OCA2: variants seen among roughly 807,000 people sequenced by gnomAD.
OCA2 encodes OCA2 melanosomal transmembrane protein.
Under a neutral mutation model 100.2 loss-of-function variants are expected in OCA2, and 77 were observed. The observed-to-expected ratio is 0.77, with a 90% CI of 0.64 to 0.93. The LOEUF (loss-of-function observed/expected upper bound fraction) is 0.93. Ranked by LOEUF, OCA2 falls within the 40% of genes least tolerant of loss-of-function variation. OCA2 has a pLI of 0.00. For missense variants in OCA2, 1,062 were observed against 1,089.1 expected (o/e 0.98, Z 0.35); for synonymous variants, 432 against 439.2 (o/e 0.98, Z 0.21).
intron 2 of OCA2, among the ~76,000 whole-genome samples, chr15:28,070,334 G>A (rs1297468980): frequency 2.1e-4 from 28 of 135,316 alleles, no homozygotes; most frequent in African/African-American, 2.6e-4. Flanking sequence ...CCCCCCGCCC[G>A]GCCAGCCGCC....
intron 21 of OCA2, among the ~76,000 whole-genome samples, chr15:27,857,458 G>A (rs2151436011): frequency 6.6e-6 from 1 of 152,222 alleles, no homozygotes; most frequent in South Asian, 2.1e-4. Context: ...GTTTTGCAAG[G>A]AAAAGAGCTC....
intron 23 of OCA2, among the ~76,000 whole-genome samples, chr15:27,760,874 T>G (rs1025105270): frequency 4.3e-4 from 65 of 152,108 alleles, no homozygotes; most frequent in African/African-American, 1.6e-3. Flanking sequence ...TCTATACAAA[T>G]GCTTCCAGAA....
intron 23 of OCA2, among the ~76,000 whole-genome samples, chr15:27,797,937 C>T (rs1595428555): frequency 6.6e-6 from 1 of 152,148 alleles, no homozygotes; most frequent in African/African-American, 2.4e-5. Flanking sequence ...GCTGGGAAGC[C>T]AGCCAGGAAG....
intron 23 of OCA2, among the ~76,000 whole-genome samples, chr15:27,793,214 A>C (rs80214972): frequency 6.6e-6 from 1 of 152,192 alleles, no homozygotes; most frequent in Non-Finnish European, 1.5e-5. Context: ...ATTGGACCAG[A>C]AAAGTATCAC....
At chr15:27,862,497 T>C (rs1462917347) in intron 21 of OCA2, among the ~76,000 whole-genome samples, 3 of 144,656 alleles carry the variant, frequency 2.1e-5, no homozygotes, top group African/African-American at 8.1e-5. Context: ...TTTTTTGAGA[T>C]GGAGTTTCAC....
At chr15:27,807,185 C>T (rs28442888) in intron 23 of OCA2, among the ~76,000 whole-genome samples, 106,113 of 151,842 alleles carry the variant, frequency 0.7, 37,966 homozygotes, top group East Asian at 1. Flanking sequence ...ACCCTCTAAG[C>T]CCTTCTGAGG....
intron 9 of OCA2, among the ~76,000 whole-genome samples, chr15:27,993,157 C>G (rs1478331614): frequency 3.9e-5 from 6 of 152,134 alleles, no homozygotes; most frequent in Non-Finnish European, 8.8e-5. Flanking sequence ...AGAGCCATGA[C>G]TGCCAGCCAC....
chr15:28,006,974 C>G (rs2042108423), intron 9 of OCA2, among the ~76,000 whole-genome samples: 1 of 152,232 alleles, frequency 6.6e-6, no homozygotes, highest in Non-Finnish European at 1.5e-5. Context: ...CTCTATTCAT[C>G]TCCCTCGAAT....
chr15:28,052,473 G>C (rs965196451), intron 2 of OCA2, among the ~76,000 whole-genome samples: 2 of 152,124 alleles, frequency 1.3e-5, no homozygotes, highest in African/African-American at 4.8e-5. Flanking sequence ...ATCATGCAGG[G>C]ATCAACCTCA....
intron 9 of OCA2, among the ~76,000 whole-genome samples, chr15:28,010,479 A>G (rs2042210650): frequency 6.6e-6 from 1 of 152,054 alleles, no homozygotes; most frequent in South Asian, 2.1e-4. Flanking sequence ...TTATTTTTTA[A>G]AAACTCTGAG....
chr15:28,012,835 A>G (rs756030537), intron 9 of OCA2, among the ~76,000 whole-genome samples: 1 of 152,244 alleles, frequency 6.6e-6, no homozygotes, highest in Non-Finnish European at 1.5e-5. Context: ...TAATTAAAGC[A>G]CATTGAATTT....
chr15:28,057,865 C>G (rs561821296), intron 2 of OCA2, among the ~76,000 whole-genome samples: 15 of 152,126 alleles, frequency 9.9e-5, no homozygotes, highest in Non-Finnish European at 2.1e-4. Context: ...GGAAAGTAAA[C>G]TGTCCAACAA....
chr15:28,082,247 G>C (rs1485590627), intron 1 of OCA2, among the ~76,000 whole-genome samples: 1 of 152,196 alleles, frequency 6.6e-6, no homozygotes, highest in African/African-American at 2.4e-5. Context: ...GGACCAATCA[G>C]CAGGACGTGG....
chr15:27,872,423 A>G (rs2036614407), intron 19 of OCA2, among the ~76,000 whole-genome samples: 1 of 152,208 alleles, frequency 6.6e-6, no homozygotes, highest in Admixed American at 6.5e-5. Flanking sequence ...AGATTCAGAA[A>G]ACTGTACTCA....
chr15:27,917,665 G>T (rs2594940), intron 19 of OCA2, among the ~76,000 whole-genome samples: 8,211 of 152,158 alleles, frequency 0.054, 753 homozygotes, highest in African/African-American at 0.19. Context: ...TGCTCATAGA[G>T]GGGGGAAGCA....
intron 23 of OCA2, among the ~76,000 whole-genome samples, chr15:27,755,780 T>C (rs1035838782): frequency 6.6e-6 from 1 of 152,234 alleles, no homozygotes; most frequent in Non-Finnish European, 1.5e-5. Context: ...TGCCATGTGC[T>C]GGGCCACCAT....
At chr15:27,938,514 A>G (rs1567130144) in intron 18 of OCA2, among the ~76,000 whole-genome samples, 3 of 152,106 alleles carry the variant, frequency 2.0e-5, no homozygotes. Context: ...TTGTGATGGC[A>G]GGGTCAGGGA....
intron 15 of OCA2, among the ~76,000 whole-genome samples, chr15:27,961,408 A>G (rs1486565802): frequency 6.6e-6 from 1 of 152,226 alleles, no homozygotes; most frequent in Non-Finnish European, 1.5e-5. Context: ...TCAAGGATCT[A>G]GAACCAGAAA....
At chr15:27,896,494 C>T (rs906649846) in intron 19 of OCA2, 8 of 560,788 alleles carry the variant, frequency 1.4e-5, no homozygotes, top group South Asian at 2.0e-5. Flanking sequence ...TGGAACTGTC[C>T]CAAAATGTCC....
Sources: gnomAD v4.1 joint callset for allele counts (sites outside exome capture counted in the v4.1 genomes callset) on GRCh38, gnomAD v4.1.1 for gene constraint, MANE v1.5 for transcripts, NCBI Gene and HGNC (gene_info 2026-07-23, HGNC 2026-07-21) for gene names.